Variants in SYNDIG1 observed in about 807,000 individuals in gnomAD.
SYNDIG1 encodes synapse differentiation-inducing gene protein 1.
A neutral mutation model predicts 19.4 loss-of-function variants in SYNDIG1; 9 were observed. The observed-to-expected ratio is 0.46, with a 90% CI of 0.28 to 0.81. SYNDIG1 has a LOEUF of 0.81. SYNDIG1 is among the 30% of genes least tolerant of loss of function. The pLI is 0.12. For synonymous variants in SYNDIG1, 141 were observed against 145.9 expected (o/e 0.97, Z 0.24); for missense variants, 311 against 343.3 (o/e 0.91, Z 0.74).
intron 1 of SYNDIG1, among the ~76,000 whole-genome samples, chr20:24,485,281 A>T (rs2055924184): frequency 6.6e-6 from 1 of 152,210 alleles, no homozygotes. Context: ...AGTGTGTCAT[A>T]TTGTTCTTTA....
chr20:24,581,178 A>C (rs1033316587), intron 2 of SYNDIG1, among the ~76,000 whole-genome samples: 1 of 152,110 alleles, frequency 6.6e-6, no homozygotes, highest in African/African-American at 2.4e-5. Context: ...CGCAGCTGGC[A>C]TCGGGGATTC....
intron 3 of SYNDIG1, among the ~76,000 whole-genome samples, chr20:24,655,734 C>A (rs2059518080): frequency 6.6e-6 from 1 of 150,850 alleles, no homozygotes; most frequent in Non-Finnish European, 1.5e-5. Context: ...CAATTCTACT[C>A]CTAGCTATAT....
chr20:24,565,741 A>G (rs1477833710), intron 2 of SYNDIG1, among the ~76,000 whole-genome samples: 1 of 151,784 alleles, frequency 6.6e-6, no homozygotes. Context: ...AGCAGCCCCA[A>G]CTCCCACCTT....
intron 1 of SYNDIG1, among the ~76,000 whole-genome samples, chr20:24,487,050 G>T (rs1056131987): frequency 5.3e-5 from 8 of 152,060 alleles, no homozygotes; most frequent in Non-Finnish European, 1.2e-4. Flanking sequence ...GCCAAGGTTG[G>T]GGGGAGAGGG....
At chr20:24,585,838 A>C (rs1347266984) in intron 3 of SYNDIG1, among the ~76,000 whole-genome samples, 1 of 152,148 alleles carries the variant, frequency 6.6e-6, no homozygotes, top group African/African-American at 2.4e-5. Flanking sequence ...GGTGCTGCGC[A>C]CCCATGGGGT....
At chr20:24,582,937 T>A (rs1028172416) in intron 2 of SYNDIG1, among the ~76,000 whole-genome samples, 1 of 152,012 alleles carries the variant, frequency 6.6e-6, no homozygotes, top group Non-Finnish European at 1.5e-5. Context: ...GTTGGTGGAG[T>A]GGCACTTCAG....
At chr20:24,613,616 T>A (rs1182641839) in intron 3 of SYNDIG1, among the ~76,000 whole-genome samples, 1 of 152,032 alleles carries the variant, frequency 6.6e-6, no homozygotes, top group Non-Finnish European at 1.5e-5. Context: ...TCTCCCTTCA[T>A]GCTTGCCCTC....
At chr20:24,627,882 A>C (rs1285470091) in intron 3 of SYNDIG1, among the ~76,000 whole-genome samples, 1 of 152,272 alleles carries the variant, frequency 6.6e-6, no homozygotes, top group African/African-American at 2.4e-5. Context: ...TCAAGTGCTC[A>C]GTCACTTGGC....
At chr20:24,663,900 G>C (rs113080648) in intron 3 of SYNDIG1, among the ~76,000 whole-genome samples, 2 of 152,136 alleles carry the variant, frequency 1.3e-5, no homozygotes, top group Non-Finnish European at 2.9e-5. Flanking sequence ...AATTGTGTTC[G>C]AAGATGTGGG....
chr20:24,490,095 G>C (rs2056104292), intron 1 of SYNDIG1, among the ~76,000 whole-genome samples: 2 of 152,204 alleles, frequency 1.3e-5, no homozygotes, highest in South Asian at 4.1e-4. Context: ...ATACCTTTGG[G>C]GCCCTGCACC....
chr20:24,536,782 C>T (rs1042336651), intron 1 of SYNDIG1, among the ~76,000 whole-genome samples: 3 of 152,144 alleles, frequency 2.0e-5, no homozygotes, highest in Non-Finnish European at 2.9e-5. Context: ...GTGGAATCCT[C>T]CAGCTGTGGG....
Position 24,543,178 on chromosome 20 carries a change from C to T in SYNDIG1, c.81C>T (p.Asn27=), listed in dbSNP as rs978422379. The change falls in exon 2 of 4, where the codon AAC becomes AAT. Residue 27 remains asparagine, a synonymous_variant. Transcript: ENST00000376862. The part of the protein sequence containing the change: ...SDAGKRNGLI[N]TRNLMAESRD... ...CTGGCAAGAGGAATGGTTTAATTAA[C>T]ACCAGAAACTTGATGGCCGAGAGCA... 6.2e-7 allele frequency: 1 copy of T among 1,614,020 alleles called. No individual in the cohort carries two copies. The highest frequency in any genetic ancestry group is 1.3e-5 in the African/African-American group (1 of 74,918).
intron 1 of SYNDIG1, among the ~76,000 whole-genome samples, chr20:24,493,853 A>T (rs916654049): frequency 6.6e-6 from 1 of 152,212 alleles, no homozygotes; most frequent in Non-Finnish European, 1.5e-5. Flanking sequence ...TTGGAAGAGC[A>T]CTGAGCCCCC....
chr20:24,541,714 G>A (rs1448526176), intron 1 of SYNDIG1, among the ~76,000 whole-genome samples: 3 of 152,222 alleles, frequency 2.0e-5, no homozygotes, highest in Non-Finnish European at 4.4e-5. Context: ...TAAAGAGTCA[G>A]GCAGGAGGCT....
chr20:24,584,812 A>G (rs2058386971), intron 2 of SYNDIG1, 44 bp from the exon 3 acceptor site: 1 of 1,613,354 alleles, frequency 6.2e-7, no homozygotes, highest in African/African-American at 1.3e-5. Context: ...TGACTCCTTT[A>G]TTAATCTTCT....
rs1436893541 is a variant in SYNDIG1, at chr20:24,595,139, G to A, written c.618+10146G>A. 2.0e-5 allele frequency among the ~76,000 whole-genome samples: 3 copies of A among 152,212 alleles called. No homozygotes were observed. The East Asian group carries it at 5.8e-4, about 29-fold the overall frequency. ...ACTTTTGCCATTCAGTATGATATTG[G>A]CTTTGGGTTTGTGATAAATGGCTCT... is the stretch of plus-strand genomic sequence containing the variant. On this transcript the variant is annotated intron_variant, in intron 3 of 3. Transcript: ENST00000376862.
intron 3 of SYNDIG1, among the ~76,000 whole-genome samples, chr20:24,650,458 C>G (rs117053763): frequency 6.6e-6 from 1 of 152,230 alleles, no homozygotes; most frequent in East Asian, 1.9e-4. Context: ...GCAGTCATCA[C>G]GTACGTAGTC....
At chr20:24,510,378 G>T (rs1471279581) in intron 1 of SYNDIG1, among the ~76,000 whole-genome samples, 1 of 151,362 alleles carries the variant, frequency 6.6e-6, no homozygotes, top group African/African-American at 2.4e-5. Flanking sequence ...AGACCAGCCT[G>T]GCCAATATGG....
At position 24,560,063 on chromosome 20, in the gene SYNDIG1, C is replaced by CTTTTTTTTT. The variant is rs60892856; in HGVS notation, c.480+16506_480+16514dup. ...TTTTTTTTAACATTTCTCTCCTCTC[C>CTTTTTTTTT]TTTTTTTTTTTTTTTTTTTTTTTTT... On this transcript the variant is annotated intron_variant, in intron 2 of 3. Coordinates refer to ENST00000376862, the MANE Select transcript of SYNDIG1 (RefSeq NM_024893.3). Among the ~76,000 whole-genome samples the CTTTTTTTTT allele has an allele frequency of 1.6e-3, 67 of 43,048 alleles. 23 individuals are homozygous for CTTTTTTTTT. The highest frequency in any genetic ancestry group is 4.9e-3 in the African/African-American group (33 of 6,694). The allele number at this position is 43,048 out of a possible 152,430, so 28.2% of individuals were successfully genotyped here.
Sources: gnomAD v4.1 joint callset for allele counts (sites outside exome capture counted in the v4.1 genomes callset) on GRCh38, gnomAD v4.1.1 for gene constraint, MANE v1.5 for transcripts, NCBI Gene and HGNC (gene_info 2026-07-23, HGNC 2026-07-21) for gene names.